TMEM120B: variants seen among roughly 807,000 people sequenced by gnomAD.
TMEM120B encodes transmembrane protein 120B.
In TMEM120B, 31 loss-of-function variants were observed where a neutral mutation model predicts 55.5. The ratio of observed to expected loss-of-function variants is 0.56; its 90% CI spans 0.42 to 0.75. The LOEUF (loss-of-function observed/expected upper bound fraction) is 0.75. Among genes scored for constraint, TMEM120B ranks in the 30% least tolerant of loss-of-function variants. The pLI, the probability that TMEM120B is intolerant of heterozygous loss-of-function variation, is 0.00. For missense variants in TMEM120B, 399 were observed against 425.5 expected (o/e 0.94, Z 0.55); for synonymous variants, 203 against 176.3 (o/e 1.15, Z -1.20).
chr12:121,712,834 G>A lies in TMEM120B; in HGVS notation c.-62G>A. 1 of 1,275,128 alleles carries A rather than the reference G, an allele frequency of 7.8e-7. No individual in the cohort carries two copies. Among genetic ancestry groups the A allele is most frequent in the Non-Finnish European group, 1.0e-6 (1 of 987,590 alleles). The allele number at this position is 1,275,128 out of a possible 1,614,324, so 79.0% of individuals were successfully genotyped here. A position where few individuals can be genotyped will look rare whatever the true frequency, so the allele number is the denominator to read the frequency against. On this transcript the variant is annotated 5_prime_UTR_variant, in exon 1 of 12. Transcript: ENST00000449592. ...CGAGCGCGCGGGCGTGGGGCGCTGGGGGGCCGGTCGGGCAGCGCTGCGGGA... is the reference window on the plus strand; with the variant it reads ...CGAGCGCGCGGGCGTGGGGCGCTGGAGGGCCGGTCGGGCAGCGCTGCGGGA...
At chr12:121,723,694 G>A (rs554267091) in intron 1 of TMEM120B, among the ~76,000 whole-genome samples, 1 of 152,330 alleles carries the variant, frequency 6.6e-6, no homozygotes, top group African/African-American at 2.4e-5. Context: ...TCTGGGGTGG[G>A]CATGGGTTGA....
chr12:121,725,078 A>G (rs1894868714), intron 1 of TMEM120B, among the ~76,000 whole-genome samples: 1 of 152,102 alleles, frequency 6.6e-6, no homozygotes, highest in Non-Finnish European at 1.5e-5. Context: ...CCTTACTGCC[A>G]ATGTTTTCCT....
chr12:121,741,069 A>G (rs1872920461), intron 1 of TMEM120B, among the ~76,000 whole-genome samples: 1 of 152,142 alleles, frequency 6.6e-6, no homozygotes, highest in Non-Finnish European at 1.5e-5. Context: ...ACACACCACG[A>G]AAGATTCTTG....
intron 1 of TMEM120B, among the ~76,000 whole-genome samples, chr12:121,720,843 C>T (rs1023817560): frequency 6.6e-6 from 1 of 152,234 alleles, no homozygotes; most frequent in African/African-American, 2.4e-5. Flanking sequence ...TCTGATGCTC[C>T]TGGGCCAGAA....
At chr12:121,718,294 G>A (rs1311178107) in intron 1 of TMEM120B, among the ~76,000 whole-genome samples, 1 of 152,006 alleles carries the variant, frequency 6.6e-6, no homozygotes. Flanking sequence ...GACCAGCCTG[G>A]GCAACATGGT....
In TMEM120B at chr12:121,762,905, G is replaced by A. The variant is rs77492731; in HGVS notation, c.551+1167G>A. ...TGTATCCTCTTTGGACTGTTTCAGA[G>A]TCCCACGGGGGAGTGGGTGTGTCAC... On this transcript the variant is annotated intron_variant, in intron 6 of 11. Coordinates refer to ENST00000449592, the MANE Select transcript of TMEM120B (RefSeq NM_001080825.2). Among the ~76,000 whole-genome samples the A allele has an allele frequency of 3.2e-3, 481 of 152,298 alleles. 3 individuals are homozygous for A. The highest frequency in any genetic ancestry group is 0.011 in the African/African-American group (450 of 41,550).
chr12:121,747,256 T>TAGA (rs1207915154), intron 2 of TMEM120B, among the ~76,000 whole-genome samples: 3 of 142,796 alleles, frequency 2.1e-5, no homozygotes, highest in Non-Finnish European at 3.1e-5. Flanking sequence ...GGCACTGGGG[T>TAGA]AGAAGGTGGG....
Position 121,745,644 on chromosome 12 carries a change from G to A in TMEM120B, c.188+1897G>A, listed in dbSNP as rs555241313. Among the ~76,000 whole-genome samples, 11 of 150,972 alleles carry A rather than the reference G, an allele frequency of 7.3e-5. No individual in the cohort carries two copies. In the South Asian group the frequency reaches 8.4e-4, roughly 12 times the overall value. On this transcript the variant is annotated intron_variant, in intron 2 of 11. Transcript: ENST00000449592. ...TGACCTTAAGTGATCATCCTGCCTC[G>A]GCCTCCCAAAGTGCTGAGATTACAG...
intron 1 of TMEM120B, among the ~76,000 whole-genome samples, chr12:121,739,239 A>T (rs1872849261): frequency 6.6e-6 from 1 of 152,088 alleles, no homozygotes. Flanking sequence ...AGAGATTGGG[A>T]GATTGTTCTA....
chr12:121,720,294 G>A (rs1052853210), intron 1 of TMEM120B, among the ~76,000 whole-genome samples: 5 of 152,172 alleles, frequency 3.3e-5, no homozygotes, highest in African/African-American at 7.2e-5. Context: ...AATCTGTCCC[G>A]CACAGGACGC....
intron 5 of TMEM120B, among the ~76,000 whole-genome samples, chr12:121,752,768 T>C (rs1219346895): frequency 6.6e-6 from 1 of 151,820 alleles, no homozygotes; most frequent in East Asian, 1.9e-4. Context: ...AGGAGTTCAC[T>C]GTGGTCTATC....
chr12:121,727,639 C>T (rs369778732), intron 1 of TMEM120B, among the ~76,000 whole-genome samples: 4 of 151,372 alleles, frequency 2.6e-5, no homozygotes, highest in African/African-American at 4.8e-5. Flanking sequence ...TTTGGGAGGC[C>T]GAGGCGGGCG....
Position 121,780,638 on chromosome 12 carries a change from C to T in TMEM120B, c.*4916C>T. 5 of 580,786 alleles carry T rather than the reference C, an allele frequency of 8.6e-6. No homozygotes were observed. The South Asian group carries it at 1.2e-4, about 13-fold the overall frequency. The allele number at this position is 580,786 out of a possible 1,614,324, so 36.0% of individuals were successfully genotyped here. On this transcript the variant is annotated 3_prime_UTR_variant, in exon 12 of 12. Coordinates refer to ENST00000449592, the MANE Select transcript of TMEM120B (RefSeq NM_001080825.2). ...TAACCTCTCTGGGCCTCAGTTTCTC[C>T]CCCTGTAAACTGGGGGATGTGAACA... is the stretch of plus-strand genomic sequence containing the variant.
At chr12:121,717,559 C>T (rs1198422370) in intron 1 of TMEM120B, among the ~76,000 whole-genome samples, 1 of 152,204 alleles carries the variant, frequency 6.6e-6, no homozygotes, top group Non-Finnish European at 1.5e-5. Context: ...GGCTGTTGAA[C>T]ACCAGTGTCT....
chr12:121,766,172 T>C (rs1873841756), intron 6 of TMEM120B, among the ~76,000 whole-genome samples: 1 of 151,966 alleles, frequency 6.6e-6, no homozygotes, highest in African/African-American at 2.4e-5. Context: ...GAGATTTGAA[T>C]TGGGACAGGA....
chr12:121,771,050 C>A, intron 7 of TMEM120B, 78 bp downstream of exon 7: 7 of 1,492,032 alleles, frequency 4.7e-6, no homozygotes, highest in Non-Finnish European at 6.5e-6. Flanking sequence ...GGGGGCTGAT[C>A]CAGACAGCGG....
intron 2 of TMEM120B, among the ~76,000 whole-genome samples, chr12:121,747,310 C>CTGGGGT (rs1873119732): frequency 2.8e-4 from 1 of 3,626 alleles, no homozygotes; most frequent in Non-Finnish European, 4.8e-4. Flanking sequence ...AGGCGGGAGG[C>CTGGGGT]ACTGGGGTAG....
chr12:121,768,054 G>A (rs1566524553), intron 6 of TMEM120B, among the ~76,000 whole-genome samples: 1 of 152,184 alleles, frequency 6.6e-6, no homozygotes. Flanking sequence ...TGGGGGATCT[G>A]GCCAACTGCC....
At chr12:121,737,536 G>A (rs1283724053) in intron 1 of TMEM120B, among the ~76,000 whole-genome samples, 1 of 151,922 alleles carries the variant, frequency 6.6e-6, no homozygotes, top group Non-Finnish European at 1.5e-5. Context: ...GGGAAGCTCT[G>A]TCCCATGAGG....
Sources: gnomAD v4.1 joint callset for allele counts (sites outside exome capture counted in the v4.1 genomes callset) on GRCh38, gnomAD v4.1.1 for gene constraint, MANE v1.5 for transcripts, NCBI Gene and HGNC (gene_info 2026-07-23, HGNC 2026-07-21) for gene names.